PUS10: variants seen among roughly 807,000 people sequenced by gnomAD.
PUS10 encodes the protein pseudouridine synthase 10, also known as tRNA pseudouridine synthase Pus10.
A neutral mutation model predicts 75.0 loss-of-function variants in PUS10; 59 were observed. That is an observed-to-expected ratio of 0.79 (90% CI 0.64 to 0.98). PUS10 has a LOEUF of 0.98. Ranked by LOEUF, PUS10 falls within the 50% of genes least tolerant of loss-of-function variation. The pLI is 0.00. For missense variants in PUS10, 650 were observed against 614.4 expected (o/e 1.06, Z -0.61); for synonymous variants, 219 against 211.6 (o/e 1.03, Z -0.30).
intron 15 of PUS10, among the ~76,000 whole-genome samples, chr2:60,951,437 G>A (rs2104210647): frequency 6.6e-6 from 1 of 152,256 alleles, no homozygotes; most frequent in Non-Finnish European, 1.5e-5. Flanking sequence ...GATTCAGTGG[G>A]AGCCCTGAGC....
intron 9 of PUS10, among the ~76,000 whole-genome samples, chr2:60,962,599 A>AT (rs199802839): frequency 6.0e-5 from 9 of 150,918 alleles, no homozygotes; most frequent in African/African-American, 1.7e-4. Context: ...ATAAATAAGT[A>AT]TTTTTTAAAA....
At position 61,018,213 on chromosome 2, in the gene PUS10, C is replaced by A. The variant is rs1680144695; in HGVS notation, c.-221G>T. On this transcript the variant is annotated 5_prime_UTR_variant, in exon 1 of 18. Coordinates refer to ENST00000316752, the MANE Select transcript of PUS10 (RefSeq NM_144709.4). ...GACTTTGGTCTGTAGCAGTTGAGAG[C>A]GGCATTTGTCCAGCCACGGCATCGA... 1.3e-6 allele frequency: 2 copies of A among 1,550,818 alleles called. No individual in the cohort carries two copies. The highest frequency in any genetic ancestry group is 8.7e-7 in the Non-Finnish European group (1 of 1,146,904).
chr2:60,966,392 G>C (rs954595972), intron 6 of PUS10: 1 of 152,172 alleles, frequency 6.6e-6, no homozygotes, highest in Non-Finnish European at 1.5e-5. Context: ...TCATTGGATA[G>C]TTAGTAGACC....
intron 1 of PUS10, among the ~76,000 whole-genome samples, chr2:61,012,834 CAAAAAAAAAAAAAAA>C (rs70959885): frequency 6.6e-5 from 2 of 30,168 alleles, no homozygotes; most frequent in Admixed American, 6.7e-4. Flanking sequence ...AACTCCGTCT[CAAAAAAAAAAAAAAA>C]AAAAAAAAAA....
chr2:60,989,155 A>C (rs1219644487), intron 4 of PUS10, among the ~76,000 whole-genome samples: 1 of 151,824 alleles, frequency 6.6e-6, no homozygotes, highest in Non-Finnish European at 1.5e-5. Context: ...CAATAAAAAC[A>C]GGAGTTAAGC....
intron 4 of PUS10, among the ~76,000 whole-genome samples, chr2:60,997,541 C>T (rs1310371652): frequency 3.0e-5 from 4 of 132,912 alleles, no homozygotes; most frequent in African/African-American, 8.3e-5. Context: ...ACCCGGGAGG[C>T]GGGGTTTGCA....
chr2:60,985,069 T>C (rs888688774), intron 4 of PUS10, among the ~76,000 whole-genome samples: 1 of 152,170 alleles, frequency 6.6e-6, no homozygotes, highest in African/African-American at 2.4e-5. Flanking sequence ...TTGTGAATCC[T>C]TTTCAGAAAT....
chr2:60,975,088 T>C (rs778728029), intron 4 of PUS10, among the ~76,000 whole-genome samples: 45 of 152,240 alleles, frequency 3.0e-4, no homozygotes, highest in Non-Finnish European at 5.3e-4. Context: ...GACCCCTTCC[T>C]TTTTTCCTTT....
chr2:60,980,835 AAAATT>A (rs1677340658), intron 4 of PUS10, among the ~76,000 whole-genome samples: 1 of 152,232 alleles, frequency 6.6e-6, no homozygotes, highest in South Asian at 2.1e-4. Flanking sequence ...CACCTTCAAA[AAAATT>A]AAATTGTTAT....
At chr2:60,981,316 T>C (rs1382009094) in intron 4 of PUS10, among the ~76,000 whole-genome samples, 1 of 152,180 alleles carries the variant, frequency 6.6e-6, no homozygotes, top group Admixed American at 6.5e-5. Flanking sequence ...TGAGTCTCGC[T>C]CTGTCACCCA....
At position 60,942,403 on chromosome 2, in the gene PUS10, C is replaced by T. The variant is rs367798034; in HGVS notation, c.1582G>A (p.Asp528Asn). The T allele has an allele frequency of 5.0e-6, 8 of 1,613,452 alleles. No individual in the cohort carries two copies. In the African/African-American group the frequency reaches 8.0e-5, roughly 16 times the overall value. ...GTCTCCAAATTTGAAAGCTAGTCATCCAGAGCAGGTGGCCAGTCAACATCT... is the reference window on the plus strand; with the variant it reads ...GTCTCCAAATTTGAAAGCTAGTCATTCAGAGCAGGTGGCCAGTCAACATCT... ...SVDVDWPPALDD is the reference protein window; with the variant it reads ...SVDVDWPPALND The change falls in exon 18 of 18, where the codon GAT becomes AAT. Residue 528 changes from aspartate to asparagine, a missense_variant. By Grantham distance (23) the Asp-to-Asn change is conservative. Coordinates refer to ENST00000316752, the MANE Select transcript of PUS10 (RefSeq NM_144709.4).
intron 9 of PUS10, among the ~76,000 whole-genome samples, chr2:60,962,061 T>C (rs1444111586): frequency 6.6e-6 from 1 of 152,230 alleles, no homozygotes; most frequent in Non-Finnish European, 1.5e-5. Flanking sequence ...TTGCATTTAT[T>C]TTATTTTAGC....
intron 4 of PUS10, among the ~76,000 whole-genome samples, chr2:61,003,484 T>C (rs1678990370): frequency 1.3e-5 from 2 of 150,812 alleles, no homozygotes. Flanking sequence ...AAAAAATTGC[T>C]GTCATCAGAA....
chr2:61,008,728 A>G, intron 3 of PUS10, 33 bp downstream of exon 3: 4 of 1,461,472 alleles, frequency 2.7e-6, no homozygotes, highest in Non-Finnish European at 3.7e-6. Context: ...ATCTCTACAT[A>G]ATTGCACCTA....
intron 16 of PUS10, among the ~76,000 whole-genome samples, chr2:60,946,354 A>T (rs1359890300): frequency 6.6e-6 from 1 of 152,216 alleles, no homozygotes; most frequent in Non-Finnish European, 1.5e-5. Flanking sequence ...GTGTATAACC[A>T]TGTGGCATCT....
At chr2:60,985,373 AAAACAGAGG>A (rs1466511103) in intron 4 of PUS10, among the ~76,000 whole-genome samples, 5 of 152,242 alleles carry the variant, frequency 3.3e-5, no homozygotes, top group African/African-American at 1.2e-4. Context: ...TCAGCAATGA[AAAACAGAGG>A]AACAGTACAA....
intron 1 of PUS10, among the ~76,000 whole-genome samples, chr2:61,016,624 G>A (rs1023834111): frequency 1.3e-5 from 2 of 152,072 alleles, no homozygotes; most frequent in Non-Finnish European, 2.9e-5. Flanking sequence ...CATGTGTCAG[G>A]CTCCCTAGGA....
At chr2:60,961,236 T>C (rs1191017139) in intron 10 of PUS10, among the ~76,000 whole-genome samples, 1 of 152,222 alleles carries the variant, frequency 6.6e-6, no homozygotes, top group African/African-American at 2.4e-5. Flanking sequence ...ACCTAGGAAG[T>C]GTCATTTCCC....
chr2:60,951,062 C>A (rs1675306065), intron 15 of PUS10, among the ~76,000 whole-genome samples: 1 of 152,114 alleles, frequency 6.6e-6, no homozygotes, highest in Non-Finnish European at 1.5e-5. Flanking sequence ...GATTCTTGGC[C>A]ACTGTTCTTT....
Sources: gnomAD v4.1 joint callset for allele counts (sites outside exome capture counted in the v4.1 genomes callset) on GRCh38, gnomAD v4.1.1 for gene constraint, MANE v1.5 for transcripts, NCBI Gene and HGNC (gene_info 2026-07-23, HGNC 2026-07-21) for gene names.